MAP1B: variants seen among roughly 807,000 people sequenced by gnomAD.
The protein encoded by MAP1B is microtubule-associated protein 1B.
MAP1B carries 12 observed loss-of-function variants against 176.1 expected under a neutral mutation model. That is an observed-to-expected ratio of 0.07 (90% CI 0.04 to 0.11). The LOEUF is 0.11. MAP1B is among the 10% of genes least tolerant of loss of function. MAP1B has a pLI of 1.00. For synonymous variants in MAP1B, 1,044 were observed against 1,135.0 expected, an observed-to-expected ratio of 0.92 and a Z score of 1.61; for missense variants, 2,523 against 2,990.5, an observed-to-expected ratio of 0.84 and a Z score of 3.65.
chr5:72,207,430 G>A lies in MAP1B; in HGVS notation c.*2191G>A, dbSNP rs949659613. 6.6e-6 allele frequency: 1 copy of A among 152,150 alleles called. No homozygotes were observed. Among genetic ancestry groups the A allele is most frequent in the Non-Finnish European group, 1.5e-5 (1 of 68,034 alleles). The allele number at this position is 152,150 out of a possible 1,614,324, so 9.4% of individuals were successfully genotyped here. On this transcript the variant is annotated 3_prime_UTR_variant, in exon 7 of 7. Transcript: ENST00000296755. ...AATGCTTCTTCAGGGTCCTTTCACTGAGGACCTATGCAGTCTACTTAATGC... is the reference window on the plus strand; with the variant it reads ...AATGCTTCTTCAGGGTCCTTTCACTAAGGACCTATGCAGTCTACTTAATGC...
At chr5:72,192,631 G>A in intron 4 of MAP1B, among the ~76,000 whole-genome samples, 1 of 152,198 alleles carries the variant, frequency 6.6e-6, no homozygotes, top group East Asian at 1.9e-4. Flanking sequence ...AATACTAGAA[G>A]GTAAGAGTTC....
chr5:72,197,965 G>A lies in MAP1B; in HGVS notation c.4610G>A (p.Gly1537Asp). Residue 1537 changes from glycine to aspartate, a missense_variant, in exon 5 of 7, where the codon GGC (glycine) becomes GAC (aspartate). Physicochemically the swap from Gly to Asp is moderately conservative, Grantham distance 94. This residue lies in a region of MAP1B where 1,925 missense variants were observed against 2,126.0 expected (regional missense o/e 0.91). Transcript: ENST00000296755. ...SDKSATPVDE[G>D]VAEDTYSHME... ...AAGTCAGCTACTCCTGTTGATGAGG[G>A]CGTAGCAGAAGACACGTACTCTCAT... The A allele has an allele frequency of 6.2e-7, 1 of 1,614,160 alleles. No individual in the cohort carries two copies. The highest frequency in any genetic ancestry group is 8.5e-7 in the Non-Finnish European group (1 of 1,180,038).
intron 2 of MAP1B, among the ~76,000 whole-genome samples, chr5:72,139,684 G>T (rs989422915): frequency 1.8e-4 from 28 of 152,162 alleles, no homozygotes; most frequent in African/African-American, 6.5e-4. Flanking sequence ...TCTTGTGGAG[G>T]TTATAAAATG....
intron 1 of MAP1B, among the ~76,000 whole-genome samples, chr5:72,109,742 A>G (rs2112109225): frequency 6.6e-6 from 1 of 152,374 alleles, no homozygotes; most frequent in Non-Finnish European, 1.5e-5. Context: ...ATGTTAGTGC[A>G]GGGTTGGCTA....
chr5:72,139,645 A>C (rs192067984), intron 2 of MAP1B, among the ~76,000 whole-genome samples: 1 of 152,344 alleles, frequency 6.6e-6, no homozygotes, highest in East Asian at 1.9e-4. Context: ...AAAGGACCAC[A>C]GTTGAGGGTA....
In MAP1B at chr5:72,193,991, T is replaced by G; in HGVS notation, c.636T>G (p.Ile212Met). 1 of 1,614,236 alleles carries G rather than the reference T, an allele frequency of 6.2e-7. No individual in the cohort carries two copies. Among genetic ancestry groups the G allele is most frequent in the Non-Finnish European group, 8.5e-7 (1 of 1,180,048 alleles). ...ACAATCTCCAAGACTTCATCAATAT[T>G]AAACTCAATTCAGCTTCTATCTTGC... ...DRHNLQDFIN[I>M]KLNSASILPE... The change falls in exon 5 of 7, where the codon ATT (isoleucine) becomes ATG (methionine). Residue 212 changes from isoleucine to methionine, a missense_variant. Coordinates refer to ENST00000296755, the MANE Select transcript of MAP1B (RefSeq NM_005909.5).
chr5:72,201,492 A>T (rs528189138), intron 5 of MAP1B, among the ~76,000 whole-genome samples: 1 of 152,332 alleles, frequency 6.6e-6, no homozygotes, highest in Admixed American at 6.5e-5. Context: ...CTCAGCAATG[A>T]CCTGGGCTTT....
At chr5:72,179,335 T>A (rs1269857482) in intron 2 of MAP1B, among the ~76,000 whole-genome samples, 4 of 152,154 alleles carry the variant, frequency 2.6e-5, no homozygotes, top group Admixed American at 2.6e-4. Flanking sequence ...CTGTGAGGTG[T>A]CGAATGGAGA....
chr5:72,201,406 G>T (rs1046249613), intron 5 of MAP1B, among the ~76,000 whole-genome samples: 3 of 151,026 alleles, frequency 2.0e-5, no homozygotes, highest in African/African-American at 7.4e-5. Flanking sequence ...CAAATGAAAT[G>T]CCACTTGGCA....
At chr5:72,134,207 G>T (rs1265703023) in intron 2 of MAP1B, among the ~76,000 whole-genome samples, 1 of 152,200 alleles carries the variant, frequency 6.6e-6, no homozygotes, top group Non-Finnish European at 1.5e-5. Flanking sequence ...GCTACTTGGG[G>T]ATATAAACTT....
Position 72,199,596 on chromosome 5 carries a change from G to C in MAP1B, c.6241G>C (p.Asp2081His). Residue 2081 changes from aspartate to histidine, a missense_variant, in exon 5 of 7, where the codon GAT (aspartate) becomes CAT (histidine). Around this residue, in one of 4 missense-constraint regions of MAP1B, gnomAD observed 1,925 missense variants for 2,126.0 expected, o/e 0.91. Coordinates refer to ENST00000296755, the MANE Select transcript of MAP1B (RefSeq NM_005909.5). This position sits in a 1 kb window ranked among gnomAD's most constrained non-coding sequence, Gnocchi z 4.2. ...CCCCTCAGAAGCCCGTCAGGATGTC[G>C]ATTTATGCCTCGTGTCCTCTTGTGA... ...KSPSEARQDV[D>H]LCLVSSCEYK... 3 of 1,614,138 alleles carry C rather than the reference G, an allele frequency of 1.9e-6. No homozygotes were observed. The highest frequency in any genetic ancestry group is 2.5e-6 in the Non-Finnish European group (3 of 1,180,026).
intron 4 of MAP1B, among the ~76,000 whole-genome samples, chr5:72,193,520 TCA>T (rs1036118257): frequency 2.0e-5 from 3 of 152,168 alleles, no homozygotes; most frequent in Non-Finnish European, 4.4e-5. Flanking sequence ...AGCACAATCC[TCA>T]GTTGCCCAGG....
chr5:72,148,850 C>T (rs1198067908), intron 2 of MAP1B, among the ~76,000 whole-genome samples: 1 of 152,242 alleles, frequency 6.6e-6, no homozygotes, highest in Non-Finnish European at 1.5e-5. Flanking sequence ...GGCAGCCTAA[C>T]TCTCCAACTT....
chr5:72,140,246 A>AGC (rs1475949941), intron 2 of MAP1B, among the ~76,000 whole-genome samples: 2 of 152,238 alleles, frequency 1.3e-5, no homozygotes, highest in African/African-American at 2.4e-5. Context: ...TATAGGCAAG[A>AGC]GCCACAGGAC....
At chr5:72,149,384 G>C (rs1487818512) in intron 2 of MAP1B, among the ~76,000 whole-genome samples, 9 of 152,224 alleles carry the variant, frequency 5.9e-5, no homozygotes, top group Non-Finnish European at 1.5e-5. Flanking sequence ...TTTAAACTTA[G>C]GAGGGGCGGT....
intron 2 of MAP1B, among the ~76,000 whole-genome samples, chr5:72,163,596 TC>T (rs1266558311): frequency 6.6e-6 from 1 of 152,202 alleles, no homozygotes; most frequent in African/African-American, 2.4e-5. Context: ...ATAGAATGCT[TC>T]CATTTGGTGT....
intron 1 of MAP1B, among the ~76,000 whole-genome samples, chr5:72,108,502 A>T (rs1285189461): frequency 6.6e-6 from 1 of 152,198 alleles, no homozygotes; most frequent in Non-Finnish European, 1.5e-5. Context: ...GTCAGCGGGT[A>T]GGGTCAGCTC....
At chr5:72,151,699 A>G (rs1579996596) in intron 2 of MAP1B, among the ~76,000 whole-genome samples, 1 of 152,296 alleles carries the variant, frequency 6.6e-6, no homozygotes, top group East Asian at 1.9e-4. Flanking sequence ...TCTCTGTGAG[A>G]CTGAAATAGG....
chr5:72,170,875 A>AG (rs35914297), intron 2 of MAP1B, among the ~76,000 whole-genome samples: 48,786 of 152,020 alleles, frequency 0.32, 8,670 homozygotes, highest in Non-Finnish European at 0.41. Flanking sequence ...TGAACCCAGG[A>AG]GGCAGAGGTT....
Sources: gnomAD v4.1 joint callset for allele counts (sites outside exome capture counted in the v4.1 genomes callset) on GRCh38, gnomAD v4.1.1 for gene constraint, gnomAD v4.1.1 regional missense constraint, Gnocchi (gnomAD v3.1) non-coding constraint, MANE v1.5 for transcripts, NCBI Gene and HGNC (gene_info 2026-07-23, HGNC 2026-07-21) for gene names.